Variants in NRG3 observed in about 807,000 individuals in gnomAD.
NRG3 encodes the protein pro-neuregulin-3, membrane-bound isoform.
A neutral mutation model predicts 66.9 loss-of-function variants in NRG3; 31 were observed. The observed-to-expected ratio is 0.46, with a 90% confidence interval of 0.35 to 0.63. The LOEUF (loss-of-function observed/expected upper bound fraction) is 0.63, where lower values mean the gene tolerates loss of function less well. Ranked by LOEUF, NRG3 falls within the 20% of genes least tolerant of loss-of-function variation. The pLI, the probability that NRG3 is intolerant of heterozygous loss-of-function variation, is 0.00. For missense variants in NRG3, 910 were observed against 878.9 expected (o/e 1.04, Z -0.45); for synonymous variants, 393 against 359.4 (o/e 1.09, Z -1.06).
At chr10:82,303,695 C>T (rs1014073874) in intron 1 of NRG3, among the ~76,000 whole-genome samples, 4 of 151,942 alleles carry the variant, frequency 2.6e-5, no homozygotes, top group African/African-American at 9.7e-5. Flanking sequence ...TGGTGAAACC[C>T]TGTCTGTACT....
At chr10:82,174,128 A>G (rs2072851609) in intron 1 of NRG3, among the ~76,000 whole-genome samples, 1 of 152,086 alleles carries the variant, frequency 6.6e-6, no homozygotes, top group African/African-American at 2.4e-5. Context: ...GGGTAGAAGA[A>G]CTGCTTCTAA....
intron 2 of NRG3, among the ~76,000 whole-genome samples, chr10:82,618,564 G>A (rs1049219067): frequency 3.9e-5 from 6 of 151,940 alleles, no homozygotes; most frequent in African/African-American, 1.2e-4. Flanking sequence ...GCATAATAAC[G>A]TGCATTTCTC....
chr10:81,975,485 A>G (rs1436647353), intron 1 of NRG3, among the ~76,000 whole-genome samples: 3 of 152,220 alleles, frequency 2.0e-5, no homozygotes, highest in Non-Finnish European at 4.4e-5. Flanking sequence ...GTGCAAGTAA[A>G]TCACTTGGGA....
intron 1 of NRG3, among the ~76,000 whole-genome samples, chr10:82,087,967 C>T (rs1364170808): frequency 1.3e-5 from 2 of 152,098 alleles, no homozygotes; most frequent in African/African-American, 4.8e-5. Flanking sequence ...CATTTCCCGG[C>T]TGGATCCGAA....
intron 1 of NRG3, among the ~76,000 whole-genome samples, chr10:82,301,799 T>C (rs1033284355): frequency 6.6e-5 from 10 of 151,464 alleles, no homozygotes; most frequent in Admixed American, 6.6e-5. Context: ...CTGATATTGC[T>C]AATTATGTTA....
chr10:81,929,837 T>C (rs1287617037), intron 1 of NRG3, among the ~76,000 whole-genome samples: 1 of 152,226 alleles, frequency 6.6e-6, no homozygotes, highest in African/African-American at 2.4e-5. Context: ...TTCTAATGTG[T>C]GGTCAAGACT....
chr10:82,213,439 T>G (rs2075504031), intron 1 of NRG3, among the ~76,000 whole-genome samples: 1 of 152,156 alleles, frequency 6.6e-6, no homozygotes, highest in Admixed American at 6.5e-5. Context: ...GTGTATAAGG[T>G]GGATATGAAA....
At chr10:82,311,878 A>G (rs2081047779) in intron 1 of NRG3, among the ~76,000 whole-genome samples, 1 of 152,194 alleles carries the variant, frequency 6.6e-6, no homozygotes, top group African/African-American at 2.4e-5. Context: ...GATCCTCTCC[A>G]TAAGATGAAC....
intron 1 of NRG3, among the ~76,000 whole-genome samples, chr10:82,264,871 C>T (rs922650806): frequency 5.3e-5 from 8 of 152,130 alleles, no homozygotes; most frequent in Non-Finnish European, 8.8e-5. Context: ...TAAAAGCCTG[C>T]CTGGAATGGG....
intron 1 of NRG3, among the ~76,000 whole-genome samples, chr10:82,197,302 G>A (rs1201937664): frequency 1.3e-5 from 2 of 152,100 alleles, no homozygotes; most frequent in Non-Finnish European, 2.9e-5. Context: ...AGAGATGTGT[G>A]TTATCAAGGA....
At chr10:82,026,715 T>C (rs2062328251) in intron 1 of NRG3, among the ~76,000 whole-genome samples, 1 of 151,962 alleles carries the variant, frequency 6.6e-6, no homozygotes. Context: ...CTGAAGGTTT[T>C]TGGAAACCTT....
At chr10:82,215,860 A>T (rs899192304) in intron 1 of NRG3, among the ~76,000 whole-genome samples, 3 of 152,054 alleles carry the variant, frequency 2.0e-5, no homozygotes, top group Admixed American at 2.0e-4. Flanking sequence ...AATAATGTTT[A>T]ATCATCTATG....
At chr10:82,799,024 A>G (rs2060917251) in intron 3 of NRG3, among the ~76,000 whole-genome samples, 1 of 152,192 alleles carries the variant, frequency 6.6e-6, no homozygotes, top group African/African-American at 2.4e-5. Context: ...AGTGGAATTC[A>G]ATGATATAGA....
chr10:82,431,058 G>A (rs970927802), intron 2 of NRG3, among the ~76,000 whole-genome samples: 6 of 152,088 alleles, frequency 3.9e-5, no homozygotes, highest in Non-Finnish European at 8.8e-5. Flanking sequence ...TGATATTTAA[G>A]GGTTTTGGTG....
At chr10:82,782,998 A>C (rs543600205) in intron 3 of NRG3, among the ~76,000 whole-genome samples, 1 of 152,310 alleles carries the variant, frequency 6.6e-6, no homozygotes, top group South Asian at 2.1e-4. Flanking sequence ...CACATCAAAA[A>C]ACTTACCCAC....
At chr10:82,221,749 T>C (rs1018514369) in intron 1 of NRG3, among the ~76,000 whole-genome samples, 4 of 152,174 alleles carry the variant, frequency 2.6e-5, no homozygotes, top group Non-Finnish European at 5.9e-5. Flanking sequence ...ATGAATGATC[T>C]CTTCTGCCTG....
intron 1 of NRG3, among the ~76,000 whole-genome samples, chr10:82,290,678 A>T (rs2079677455): frequency 6.6e-6 from 1 of 151,242 alleles, no homozygotes; most frequent in Non-Finnish European, 1.5e-5. Flanking sequence ...TCTGTCACCC[A>T]GGCTAGAGTG....
chr10:82,592,886 T>C (rs2047062685), intron 2 of NRG3, among the ~76,000 whole-genome samples: 1 of 152,238 alleles, frequency 6.6e-6, no homozygotes, highest in Admixed American at 6.5e-5. Context: ...CTCCAAATCA[T>C]GCTTCCTTTC....
chr10:82,455,058 A>G (rs1417048909), intron 2 of NRG3, among the ~76,000 whole-genome samples: 6 of 152,182 alleles, frequency 3.9e-5, no homozygotes, highest in Admixed American at 3.3e-4. Context: ...TTGAACCCTC[A>G]AAAACTGAAC....
Sources: allele counts gnomAD v4.1 joint callset (sites outside exome capture counted in the v4.1 genomes callset), GRCh38; gene constraint gnomAD v4.1.1; transcripts MANE v1.5; gene names NCBI Gene and HGNC (gene_info 2026-07-23, HGNC 2026-07-21).